Variants in ATRX observed in about 807,000 individuals in gnomAD.
ATRX encodes the protein ATRX chromatin remodeler.
Under a neutral mutation model 172.6 loss-of-function variants are expected in ATRX, and 12 were observed. The ratio of observed to expected loss-of-function variants is 0.07; its 90% CI spans 0.04 to 0.11. The LOEUF is 0.11. ATRX is among the 10% of genes least tolerant of loss of function. The pLI is 1.00. For synonymous variants in ATRX, 674 were observed against 594.7 expected (o/e 1.13, Z -1.94); for missense variants, 1,368 against 1,767.4 (o/e 0.77, Z 4.05).
intron 12 of ATRX, among the ~76,000 whole-genome samples, chrX:77,658,550 G>T (rs782752959): frequency 8.9e-6 from 1 of 112,273 alleles, no homozygotes; most frequent in South Asian, 3.7e-4. Flanking sequence ...TTACTTCAGA[G>T]GTCATAAAAC....
intron 25 of ATRX, among the ~76,000 whole-genome samples, chrX:77,597,728 C>A (rs1557084707): frequency 8.9e-6 from 1 of 111,797 alleles, no homozygotes; most frequent in East Asian, 2.8e-4. Flanking sequence ...AAATGCAAAT[C>A]CAAACCACAA....
intron 8 of ATRX, 132 bp from the exon 9 acceptor site, chrX:77,684,725 T>C: frequency 1.2e-6 from 1 of 828,581 alleles, no homozygotes; most frequent in Non-Finnish European, 1.7e-6. Flanking sequence ...AATTTAAATT[T>C]TACTGCCAGT....
intron 19 of ATRX, among the ~76,000 whole-genome samples, chrX:77,625,336 A>G (rs192710481): frequency 7.9e-4 from 89 of 112,667 alleles, no homozygotes; most frequent in African/African-American, 2.7e-3. Context: ...TGGCTTAGTC[A>G]AGGATTTCAT....
In ATRX at chrX:77,510,490, G is replaced by A. The variant is rs782806339; in HGVS notation, c.7201-1861C>T. Among the ~76,000 whole-genome samples the A allele has an allele frequency of 8.1e-5, 9 of 110,858 alleles. No homozygotes were observed. The East Asian group carries it at 2.3e-3, about 28-fold the overall frequency. ...GGGCTAGGGTACCAAGCAGACCCTC[G>A]GGGACCCTAATTCCAGGCCTTGGCT... is the stretch of plus-strand genomic sequence containing the variant. On this transcript the variant is annotated intron_variant, in intron 34 of 34. Transcript: ENST00000373344.
chrX:77,778,115 T>G, intron 1 of ATRX, among the ~76,000 whole-genome samples: 1 of 98,171 alleles, frequency 1.0e-5, no homozygotes, highest in Non-Finnish European at 2.0e-5. Flanking sequence ...GGTGACAGAG[T>G]GAGACTCTGT....
At chrX:77,725,871 A>G (rs1196458988) in intron 1 of ATRX, among the ~76,000 whole-genome samples, 1 of 112,701 alleles carries the variant, frequency 8.9e-6, no homozygotes, top group Non-Finnish European at 1.9e-5. Flanking sequence ...CACATGTAAA[A>G]ATGCTCATCA....
intron 26 of ATRX, among the ~76,000 whole-genome samples, chrX:77,593,349 G>A (rs1339518304): frequency 9.0e-6 from 1 of 111,358 alleles, no homozygotes; most frequent in Non-Finnish European, 1.9e-5. Context: ...TTTACAGGGG[G>A]AAATCTCAGT....
chrX:77,682,064 A>C lies in ATRX; in HGVS notation c.3192T>G (p.Ala1064=), dbSNP rs782553263. ...SKKKDELSDY[A]EKSTGKGDSC... ...TATCTCCTTTCCCTGTTGACTTCTC[A>C]GCATAATCAGATAATTCATCCTTCT... is the stretch of plus-strand genomic sequence containing the variant. Residue 1064 remains alanine, a synonymous_variant, in exon 9 of 35, where the codon GCT becomes GCG. Coordinates refer to ENST00000373344, the MANE Select transcript of ATRX (RefSeq NM_000489.6). 12 of 1,210,564 alleles carry C rather than the reference A, an allele frequency of 9.9e-6. No individual in the cohort carries two copies. The highest frequency in any genetic ancestry group is 1.2e-5 in the Non-Finnish European group (11 of 894,758).
rs1391405636 is a variant in ATRX at position 77,513,926 on chromosome X, A to C, written c.7201-5297T>G. ...CAGCAATATCTCAGGGTACAAAATC[A>C]ATGTACAAAAATCAGTAGCATTCCT... On this transcript the variant is annotated intron_variant, in intron 34 of 34. Coordinates refer to ENST00000373344, the MANE Select transcript of ATRX (RefSeq NM_000489.6). 8.1e-5 allele frequency among the ~76,000 whole-genome samples: 9 copies of C among 111,097 alleles called. No homozygotes were observed. The Admixed American group carries it at 8.6e-4, about 11-fold the overall frequency.
chrX:77,620,235 A>G (rs182829369), intron 20 of ATRX, among the ~76,000 whole-genome samples, 160 bp downstream of exon 20: 5 of 112,325 alleles, frequency 4.5e-5, no homozygotes, highest in African/African-American at 1.6e-4. Flanking sequence ...ATCTCATTTG[A>G]AAAGTATGTT....
At chrX:77,781,797 T>C (rs1375478461) in intron 1 of ATRX, among the ~76,000 whole-genome samples, 1 of 111,596 alleles carries the variant, frequency 9.0e-6, no homozygotes. Context: ...GTTTCTGATA[T>C]CCAAAAGAAC....
At chrX:77,640,404 G>C (rs2068597094) in intron 15 of ATRX, among the ~76,000 whole-genome samples, 1 of 110,161 alleles carries the variant, frequency 9.1e-6, no homozygotes, top group Non-Finnish European at 1.9e-5. Flanking sequence ...ATCACTTAAG[G>C]TGTAGTAAAA....
intron 28 of ATRX, among the ~76,000 whole-genome samples, chrX:77,568,375 C>A (rs782365963): frequency 1.8e-5 from 2 of 111,185 alleles, no homozygotes; most frequent in African/African-American, 3.3e-5. Flanking sequence ...TTTGAAATTA[C>A]GATGAAATGA....
chrX:77,560,298 C>A (rs1016643557), intron 28 of ATRX, among the ~76,000 whole-genome samples: 2 of 111,305 alleles, frequency 1.8e-5, no homozygotes, highest in Non-Finnish European at 3.8e-5. Context: ...GTTCCACTCC[C>A]CAGAAACAAC....
chrX:77,652,450 A>G, intron 14 of ATRX, 97 bp from the exon 15 acceptor site: 2 of 972,788 alleles, frequency 2.1e-6, no homozygotes, highest in Non-Finnish European at 2.8e-6. Flanking sequence ...AGGTGGAAGA[A>G]AACATGCTGA....
intron 14 of ATRX, among the ~76,000 whole-genome samples, chrX:77,652,618 G>A (rs1377950510): frequency 1.0e-4 from 11 of 107,136 alleles, no homozygotes; most frequent in Non-Finnish European, 1.7e-4. Context: ...TGGCTAACAC[G>A]GTGAAACCCC....
intron 7 of ATRX, among the ~76,000 whole-genome samples, chrX:77,685,732 T>C (rs1356767112): frequency 3.6e-5 from 4 of 111,986 alleles, no homozygotes; most frequent in African/African-American, 9.7e-5. Flanking sequence ...AAAGAGATAC[T>C]GGCACTCCTA....
In ATRX at chrX:77,682,732, G is replaced by C. The variant is rs782196312; in HGVS notation, c.2524C>G (p.Pro842Ala). 1 of 1,209,362 alleles carries C rather than the reference G, an allele frequency of 8.3e-7. No individual in the cohort carries two copies. The highest frequency in any genetic ancestry group is 1.1e-6 in the Non-Finnish European group (1 of 894,905). Residue 842 changes from proline (P) to alanine (A), a missense_variant, in exon 9 of 35, where the codon CCA (proline) becomes GCA (alanine). Transcript: ENST00000373344. ...GAARTTKKRI[P>A]NTKDFDSSED... ...GAAGAGTCAAAATCTTTTGTATTTG[G>C]AATTCTTTTTTTGGTGGTTCTGGCA...
intron 13 of ATRX, 78 bp from the exon 14 acceptor site, chrX:77,654,278 G>C (rs1053494618): frequency 8.5e-6 from 7 of 827,255 alleles, no homozygotes; most frequent in Admixed American, 7.1e-5. Context: ...TTTTAAAACT[G>C]TTCTACCTCT....
Sources: gnomAD v4.1 joint callset for allele counts (sites outside exome capture counted in the v4.1 genomes callset) on GRCh38, gnomAD v4.1.1 for gene constraint, MANE v1.5 for transcripts, NCBI Gene and HGNC (gene_info 2026-07-23, HGNC 2026-07-21) for gene names.